RBPJ: variants seen among roughly 807,000 people sequenced by gnomAD.
RBPJ encodes recombination signal binding protein for immunoglobulin kappa J region.
Under a neutral mutation model 67.8 loss-of-function variants are expected in RBPJ, and 9 were observed. The ratio of observed to expected loss-of-function variants is 0.13; its 90% CI spans 0.08 to 0.23. The LOEUF is 0.23. RBPJ is among the 10% of genes least tolerant of loss of function. The pLI is 1.00. For missense variants in RBPJ, 305 were observed against 595.6 expected (o/e 0.51, Z 5.08); for synonymous variants, 198 against 203.3 (o/e 0.97, Z 0.22).
At chr4:26,391,150 G>C (rs1285249934) in intron 2 of RBPJ, among the ~76,000 whole-genome samples, 1 of 152,078 alleles carries the variant, frequency 6.6e-6, no homozygotes, top group African/African-American at 2.4e-5. Context: ...AGGCTTTTTT[G>C]TAACAGTTGA....
chr4:26,353,803 G>C (rs559458608), intron 1 of RBPJ, among the ~76,000 whole-genome samples: 1 of 151,514 alleles, frequency 6.6e-6, no homozygotes, highest in African/African-American at 2.4e-5. Flanking sequence ...TAGAGATGGG[G>C]TTTCACCATG....
At chr4:26,131,884 C>T in the RBPJ span, among the ~76,000 whole-genome samples, 12 of 152,200 alleles carry the variant, frequency 7.9e-5, no homozygotes, top group South Asian at 4.1e-4. Flanking sequence ...CTCCCCTCAC[C>T]ACCACTGGTG....
intron 1 of RBPJ, among the ~76,000 whole-genome samples, chr4:26,281,115 T>C (rs1017766533): frequency 6.6e-6 from 1 of 152,218 alleles, no homozygotes; most frequent in Admixed American, 6.5e-5. Context: ...AAAAACAATT[T>C]ATACTAAAAA....
At chr4:26,273,859 GAC>G (rs917809951) in intron 1 of RBPJ, among the ~76,000 whole-genome samples, 2 of 152,234 alleles carry the variant, frequency 1.3e-5, no homozygotes, top group Non-Finnish European at 2.9e-5. Flanking sequence ...ACGCAGCCAA[GAC>G]ACAGTCATCG....
intron 1 of RBPJ, among the ~76,000 whole-genome samples, chr4:26,364,828 TGTTGGCCAGGCTG>T (rs1728462665): frequency 6.6e-6 from 1 of 151,726 alleles, no homozygotes; most frequent in South Asian, 2.1e-4. Context: ...GGTTTCGCTA[TGTTGGCCAGGCTG>T]GTCTCGAACT....
At chr4:26,136,538 A>T in the RBPJ span, among the ~76,000 whole-genome samples, 1 of 152,218 alleles carries the variant, frequency 6.6e-6, no homozygotes, top group East Asian at 1.9e-4. Context: ...CTTTGGATGG[A>T]AACAGTCAGC....
At chr4:26,180,717 A>T (rs1189063906) in intron 1 of RBPJ, among the ~76,000 whole-genome samples, 3 of 152,222 alleles carry the variant, frequency 2.0e-5, no homozygotes, top group Non-Finnish European at 4.4e-5. Context: ...ACAAACATTC[A>T]AACTATAGCA....
At chr4:26,198,888 G>C (rs1717880065) in intron 1 of RBPJ, among the ~76,000 whole-genome samples, 1 of 152,150 alleles carries the variant, frequency 6.6e-6, no homozygotes, top group South Asian at 2.1e-4. Flanking sequence ...ACCACAGCCT[G>C]TAAAATTATT....
At chr4:26,198,240 G>C (rs969410782) in intron 1 of RBPJ, among the ~76,000 whole-genome samples, 1 of 148,752 alleles carries the variant, frequency 6.7e-6, no homozygotes, top group Admixed American at 6.7e-5. Context: ...GGCAACAAGA[G>C]CGAAACTCCA....
At chr4:26,107,166 G>A in the RBPJ span, among the ~76,000 whole-genome samples, 4 of 152,216 alleles carry the variant, frequency 2.6e-5, no homozygotes, top group Non-Finnish European at 5.9e-5. Flanking sequence ...ACTTCAGGTA[G>A]CTGAGGTCAA....
chr4:26,184,952 G>A (rs931889776), intron 1 of RBPJ, among the ~76,000 whole-genome samples: 2 of 152,084 alleles, frequency 1.3e-5, no homozygotes, highest in Non-Finnish European at 2.9e-5. Context: ...GACCAGCCTG[G>A]CCAACATGGC....
chr4:26,282,321 T>G lies in RBPJ; in HGVS notation c.-166-80125T>G, dbSNP rs115281576. 3.6e-3 allele frequency among the ~76,000 whole-genome samples: 545 copies of G among 152,266 alleles called. 5 individuals carry two copies. The highest frequency in any genetic ancestry group is 0.015 in the Admixed American group (232 of 15,300). On this transcript the variant is annotated intron_variant, in intron 1 of 4. Transcript: ENST00000512351. ...CAACACCATGTCAAAATCCGCATGC[T>G]ATTATGAGACTATTCTTGAATCTTA...
chr4:26,347,424 A>T (rs930796219), intron 1 of RBPJ, among the ~76,000 whole-genome samples: 1 of 152,248 alleles, frequency 6.6e-6, no homozygotes, highest in Non-Finnish European at 1.5e-5. Flanking sequence ...CAAACAAGGT[A>T]GAATAAAAGC....
At chr4:26,184,201 G>GAAAGAAAGA (rs112389999) in intron 1 of RBPJ, among the ~76,000 whole-genome samples, 3 of 146,306 alleles carry the variant, frequency 2.1e-5, no homozygotes, top group African/African-American at 7.7e-5. Context: ...AAAAAAGAAA[G>GAAAGAAAGA]AAAAAAAATG....
At chr4:26,150,098 T>C in the RBPJ span, among the ~76,000 whole-genome samples, 2 of 152,246 alleles carry the variant, frequency 1.3e-5, no homozygotes, top group African/African-American at 2.4e-5. Flanking sequence ...TTTTATCAGA[T>C]AAATTTCTGA....
chr4:26,329,273 A>C (rs184401126), intron 1 of RBPJ, among the ~76,000 whole-genome samples: 12 of 152,284 alleles, frequency 7.9e-5, no homozygotes, highest in African/African-American at 2.9e-4. Flanking sequence ...GATTACAGGC[A>C]TGAGCCACCG....
At chr4:26,271,218 T>G (rs544390482) in intron 1 of RBPJ, among the ~76,000 whole-genome samples, 1 of 152,252 alleles carries the variant, frequency 6.6e-6, no homozygotes, top group East Asian at 1.9e-4. Context: ...ATTTATAAAT[T>G]AAACTTTATC....
chr4:26,426,468 G>C (rs1735680233), intron 7 of RBPJ, among the ~76,000 whole-genome samples: 1 of 152,202 alleles, frequency 6.6e-6, no homozygotes, highest in Admixed American at 6.5e-5. Flanking sequence ...ATTAGAAAAA[G>C]TTGCAGTACC....
intron 1 of RBPJ, among the ~76,000 whole-genome samples, chr4:26,192,356 TCTAA>T (rs760791563): frequency 4.6e-5 from 7 of 152,276 alleles, no homozygotes; most frequent in East Asian, 3.9e-4. Context: ...TTCTTTTGTG[TCTAA>T]CTTTTTTCAC....
Sources: allele counts gnomAD v4.1 joint callset (sites outside exome capture counted in the v4.1 genomes callset), GRCh38; gene constraint gnomAD v4.1.1; transcripts MANE v1.5; gene names NCBI Gene and HGNC (gene_info 2026-07-23, HGNC 2026-07-21).